TENM4: variants seen among roughly 807,000 people sequenced by gnomAD.
The protein encoded by TENM4 is teneurin-4.
In TENM4, 82 loss-of-function variants were observed where a neutral mutation model predicts 243.3. The observed-to-expected ratio is 0.34, with a 90% CI of 0.28 to 0.40. TENM4 has a LOEUF of 0.40. TENM4 is among the 10% of genes least tolerant of loss of function. The probability of loss-of-function intolerance (pLI) is 1.00; values close to 1 mark genes in which losing one functional copy is unlikely to be tolerated. For synonymous variants in TENM4, 1,412 were observed against 1,456.3 expected (o/e 0.97, Z 0.69); for missense variants, 3,138 against 3,673.3 (o/e 0.85, Z 3.77).
At chr11:78,915,782 G>T (rs1234031090) in intron 6 of TENM4, among the ~76,000 whole-genome samples, 1 of 152,148 alleles carries the variant, frequency 6.6e-6, no homozygotes, top group Non-Finnish European at 1.5e-5. Flanking sequence ...GGGCCCTGCA[G>T]GAGGCTAAAT....
intron 19 of TENM4, among the ~76,000 whole-genome samples, chr11:78,746,628 G>A (rs1191141515): frequency 5.9e-5 from 9 of 152,248 alleles, no homozygotes; most frequent in Admixed American, 5.2e-4. Context: ...ATCGACTATG[G>A]TGAGGGAGAA....
intron 1 of TENM4, among the ~76,000 whole-genome samples, chr11:79,318,746 G>A (rs931267344): frequency 2.0e-5 from 3 of 152,204 alleles, no homozygotes; most frequent in Non-Finnish European, 2.9e-5. Flanking sequence ...TAATTTAAGT[G>A]TGAATTTATG....
intron 7 of TENM4, among the ~76,000 whole-genome samples, chr11:78,901,794 A>G (rs1855934204): frequency 6.6e-6 from 1 of 152,204 alleles, no homozygotes; most frequent in Admixed American, 6.5e-5. Context: ...ATCACACACG[A>G]TTTTAAAGGA....
intron 4 of TENM4, among the ~76,000 whole-genome samples, chr11:79,118,231 A>G (rs1303471197): frequency 6.6e-6 from 1 of 152,158 alleles, no homozygotes; most frequent in Non-Finnish European, 1.5e-5. Flanking sequence ...ACTGAGTAGT[A>G]ATAAGAATAT....
intron 4 of TENM4, among the ~76,000 whole-genome samples, chr11:79,148,010 C>T (rs1199461058): frequency 6.6e-6 from 1 of 152,010 alleles, no homozygotes; most frequent in Non-Finnish European, 1.5e-5. Context: ...TCACCAAGCT[C>T]AGAATGATGA....
chr11:79,224,620 G>T (rs1057322363), intron 2 of TENM4, among the ~76,000 whole-genome samples: 2 of 152,104 alleles, frequency 1.3e-5, no homozygotes. Context: ...AGGTCATTAG[G>T]GCAGGCCCTA....
At chr11:78,736,375 T>C (rs1315874764) in intron 20 of TENM4, among the ~76,000 whole-genome samples, 1 of 152,188 alleles carries the variant, frequency 6.6e-6, no homozygotes, top group Non-Finnish European at 1.5e-5. Context: ...ATGATCTCTT[T>C]GGCTAACTTC....
chr11:79,210,388 T>C lies in TENM4; in HGVS notation c.-163+5420A>G, dbSNP rs563020257. On this transcript the variant is annotated intron_variant, in intron 3 of 33. Transcript: ENST00000278550. The stretch of plus-strand genomic sequence containing the variant: ...TGGGAACTGTCATGATAGACTCCAA[T>C]TGGGTGGACCAAAGGAGCATATTGG... 9.2e-5 allele frequency among the ~76,000 whole-genome samples: 14 copies of C among 152,350 alleles called. No homozygotes were observed. The South Asian group carries it at 1.5e-3, about 16-fold the overall frequency.
intron 19 of TENM4, among the ~76,000 whole-genome samples, chr11:78,740,627 G>A (rs568639682): frequency 1.3e-5 from 2 of 152,306 alleles, no homozygotes; most frequent in South Asian, 2.1e-4. Context: ...ATTGAATTTC[G>A]TATTGCTGGA....
At chr11:78,737,034 C>A (rs1855816150) in intron 20 of TENM4, among the ~76,000 whole-genome samples, 3 of 152,188 alleles carry the variant, frequency 2.0e-5, no homozygotes, top group African/African-American at 7.2e-5. Flanking sequence ...TGAATCTACT[C>A]TAACCAACCA....
chr11:79,036,362 C>T (rs1237559266), intron 6 of TENM4, among the ~76,000 whole-genome samples: 1 of 152,236 alleles, frequency 6.6e-6, no homozygotes, highest in African/African-American at 2.4e-5. Flanking sequence ...AAGCCCAATG[C>T]ACAAGTCTCC....
At chr11:78,684,076 C>G (rs1168684506) in intron 29 of TENM4, among the ~76,000 whole-genome samples, 1 of 152,200 alleles carries the variant, frequency 6.6e-6, no homozygotes, top group Non-Finnish European at 1.5e-5. Context: ...CCTGTACACC[C>G]CTCAGCCTTT....
At chr11:79,260,561 G>C (rs530405373) in intron 2 of TENM4, among the ~76,000 whole-genome samples, 14 of 152,310 alleles carry the variant, frequency 9.2e-5, no homozygotes, top group African/African-American at 3.4e-4. Context: ...AGGTCTGTCT[G>C]TTTTCTGACC....
At chr11:78,977,439 T>C (rs541798807) in intron 6 of TENM4, among the ~76,000 whole-genome samples, 2 of 152,360 alleles carry the variant, frequency 1.3e-5, no homozygotes, top group East Asian at 3.9e-4. Flanking sequence ...CTTTTACAGA[T>C]GAATACATTG....
At chr11:78,721,406 G>A (rs768859875) in intron 24 of TENM4, among the ~76,000 whole-genome samples, 18 of 152,130 alleles carry the variant, frequency 1.2e-4, no homozygotes, top group Admixed American at 9.2e-4. Flanking sequence ...TTCCTTTCAC[G>A]CGTGCGCCTT....
intron 2 of TENM4, among the ~76,000 whole-genome samples, chr11:79,286,896 C>T (rs2135374815): frequency 6.6e-6 from 1 of 152,224 alleles, no homozygotes; most frequent in East Asian, 1.9e-4. Context: ...GGAAAACAAA[C>T]ACATAAATAA....
intron 6 of TENM4, among the ~76,000 whole-genome samples, chr11:78,914,850 C>T (rs1856277367): frequency 6.6e-6 from 1 of 152,238 alleles, no homozygotes; most frequent in Non-Finnish European, 1.5e-5. Context: ...TAGCTCAGGT[C>T]CTCACTGGTG....
At chr11:78,787,697 G>A in intron 15 of TENM4, among the ~76,000 whole-genome samples, 1 of 152,154 alleles carries the variant, frequency 6.6e-6, no homozygotes, top group East Asian at 1.9e-4. Flanking sequence ...CTTTTGCTGG[G>A]TTTATTCTCT....
chr11:78,941,306 C>T (rs910869286), intron 6 of TENM4, among the ~76,000 whole-genome samples: 10 of 152,226 alleles, frequency 6.6e-5, no homozygotes, highest in East Asian at 1.9e-4. Context: ...TAGCACCTTA[C>T]GTGCTTAGCA....
Sources: gnomAD v4.1 joint callset for allele counts (sites outside exome capture counted in the v4.1 genomes callset) on GRCh38, gnomAD v4.1.1 for gene constraint, MANE v1.5 for transcripts, NCBI Gene and HGNC (gene_info 2026-07-23, HGNC 2026-07-21) for gene names.